ZCWPW2: variants seen among roughly 807,000 people sequenced by gnomAD.
The protein encoded by ZCWPW2 is zinc finger CW-type PWWP domain protein 2.
A neutral mutation model predicts 46.6 loss-of-function variants in ZCWPW2; 45 were observed. That is an observed-to-expected ratio of 0.96 (90% CI 0.76 to 1.24). The LOEUF (loss-of-function observed/expected upper bound fraction) is 1.24. ZCWPW2 is among the 50% of genes most tolerant of loss of function. The pLI, the probability that ZCWPW2 is intolerant of heterozygous loss-of-function variation, is 0.00. For synonymous variants in ZCWPW2, 152 were observed against 137.1 expected (o/e 1.11, Z -0.76); for missense variants, 429 against 403.9 (o/e 1.06, Z -0.53).
intron 4 of ZCWPW2, among the ~76,000 whole-genome samples, chr3:28,438,603 A>G (rs1169934715): frequency 6.6e-6 from 1 of 152,216 alleles, no homozygotes; most frequent in Non-Finnish European, 1.5e-5. Flanking sequence ...TATTAGACTT[A>G]TATGTCCAGT....
At chr3:28,493,133 A>ATTTTTTTTTT (rs1266340321) in intron 6 of ZCWPW2, among the ~76,000 whole-genome samples, 7 of 41,404 alleles carry the variant, frequency 1.7e-4, no homozygotes, top group Non-Finnish European at 2.9e-4. Context: ...ATTTTTTTTT[A>ATTTTTTTTTT]TTTTATTTTT....
At chr3:28,451,284 T>A (rs773440413) in intron 4 of ZCWPW2, among the ~76,000 whole-genome samples, 1 of 152,190 alleles carries the variant, frequency 6.6e-6, no homozygotes, top group Non-Finnish European at 1.5e-5. Context: ...AAGGTAGACA[T>A]CATCACTATT....
intron 1 of ZCWPW2, among the ~76,000 whole-genome samples, chr3:28,374,451 C>CTT (rs1341159107): frequency 6.6e-6 from 1 of 152,016 alleles, no homozygotes; most frequent in Non-Finnish European, 1.5e-5. Context: ...CTCAGGATTG[C>CTT]TTCAGGCTCT....
chr3:28,499,549 G>C (rs1450244189), intron 6 of ZCWPW2, among the ~76,000 whole-genome samples: 1 of 151,970 alleles, frequency 6.6e-6, no homozygotes, highest in South Asian at 2.1e-4. Context: ...CTGGATATTA[G>C]CCCTTTGTCA....
chr3:28,428,802 T>A (rs1295822752), intron 3 of ZCWPW2, among the ~76,000 whole-genome samples: 3 of 152,146 alleles, frequency 2.0e-5, no homozygotes, highest in Non-Finnish European at 4.4e-5. Context: ...CCCCTTCACT[T>A]GGCACTATTC....
chr3:28,471,395 G>A (rs896021775), intron 4 of ZCWPW2, among the ~76,000 whole-genome samples: 7 of 152,066 alleles, frequency 4.6e-5, no homozygotes, highest in African/African-American at 1.7e-4. Context: ...ACATTAACAC[G>A]ATGATTCATT....
At chr3:28,454,550 C>T (rs1442863394) in intron 4 of ZCWPW2, among the ~76,000 whole-genome samples, 1 of 152,058 alleles carries the variant, frequency 6.6e-6, no homozygotes, top group African/African-American at 2.4e-5. Flanking sequence ...AAGTGTGTGC[C>T]ATGGTGGTTT....
chr3:28,392,636 A>T (rs534342741), intron 2 of ZCWPW2, among the ~76,000 whole-genome samples: 3 of 152,296 alleles, frequency 2.0e-5, no homozygotes, highest in Non-Finnish European at 2.9e-5. Flanking sequence ...ATGGTATAAG[A>T]TCAGGAACCA....
At chr3:28,436,811 A>C (rs13087143) in intron 4 of ZCWPW2, among the ~76,000 whole-genome samples, 31,577 of 152,140 alleles carry the variant, frequency 0.21, 4,074 homozygotes, top group Non-Finnish European at 0.29. Context: ...TTCTGCTGGC[A>C]ACCACAGAAG....
At chr3:28,475,935 T>C (rs1381553242) in intron 4 of ZCWPW2, among the ~76,000 whole-genome samples, 1 of 152,152 alleles carries the variant, frequency 6.6e-6, no homozygotes, top group Non-Finnish European at 1.5e-5. Context: ...TTATGCTTGT[T>C]ATATATTGTC....
rs77983875 is a variant in ZCWPW2, at chr3:28,458,491, A to G, written c.493-20323A>G. Among the ~76,000 whole-genome samples the G allele has an allele frequency of 7.0e-3, 1,062 of 152,306 alleles. 10 individuals carry two copies. Among genetic ancestry groups the G allele is most frequent in the African/African-American group, 0.023 (960 of 41,562 alleles). ...TTTTTTGGACTGTAGACATCAAATG[A>G]TAATCTCACATAGTCTTCATTTGTT... On this transcript the variant is annotated intron_variant, in intron 4 of 9. Transcript: ENST00000383768.
chr3:28,481,229 C>T (rs766599689), intron 5 of ZCWPW2, among the ~76,000 whole-genome samples: 17 of 151,838 alleles, frequency 1.1e-4, no homozygotes, highest in Non-Finnish European at 2.2e-4. Context: ...ATGATTGCCA[C>T]ATAAAATGAT....
intron 2 of ZCWPW2, among the ~76,000 whole-genome samples, chr3:28,406,682 T>C (rs1575100198): frequency 6.6e-6 from 1 of 152,156 alleles, no homozygotes; most frequent in Non-Finnish European, 1.5e-5. Flanking sequence ...TAACCTAACA[T>C]GGTAAATAAG....
chr3:28,358,889 T>A (rs1308988059), intron 1 of ZCWPW2, among the ~76,000 whole-genome samples: 10 of 152,104 alleles, frequency 6.6e-5, no homozygotes, highest in Admixed American at 6.5e-4. Flanking sequence ...GTTTGAAAAT[T>A]GTTTTGTTTT....
In ZCWPW2 at chr3:28,478,881, GATAT is replaced by G; in HGVS notation, c.561_564del (p.Tyr188LeufsTer55). ...CTACAAGAAGCATGTCTACTCTATGGATATTCTCATGAGCAAAGACTGGAAATGT... is the reference window on the plus strand; with the variant it reads ...CTACAAGAAGCATGTCTACTCTATGGTCTCATGAGCAAAGACTGGAAATGT... On this transcript the variant is annotated frameshift_variant, in exon 5 of 10. Coordinates refer to ENST00000383768, the MANE Select transcript of ZCWPW2 (RefSeq NM_001040432.4). LOFTEE classifies it high-confidence loss of function. 1 of 1,588,602 alleles carries G rather than the reference GATAT, an allele frequency of 6.3e-7. No homozygotes were observed. The highest frequency in any genetic ancestry group is 8.5e-7 in the Non-Finnish European group (1 of 1,171,064).
chr3:28,456,403 T>C (rs973986601), intron 4 of ZCWPW2, among the ~76,000 whole-genome samples: 15 of 152,194 alleles, frequency 9.9e-5, no homozygotes, highest in African/African-American at 3.6e-4. Flanking sequence ...TTTCTAGATA[T>C]AGGATTATGT....
intron 2 of ZCWPW2, among the ~76,000 whole-genome samples, chr3:28,409,540 T>C (rs1259113779): frequency 1.3e-5 from 2 of 152,162 alleles, no homozygotes; most frequent in Non-Finnish European, 2.9e-5. Flanking sequence ...GTGATAATTA[T>C]GACAAATTTT....
At chr3:28,474,381 CT>C (rs1699149155) in intron 4 of ZCWPW2, among the ~76,000 whole-genome samples, 1 of 152,120 alleles carries the variant, frequency 6.6e-6, no homozygotes, top group South Asian at 2.1e-4. Context: ...TTTCAGTATA[CT>C]TTCAAGTGGG....
chr3:28,514,356 A>T (rs746383358), intron 7 of ZCWPW2, among the ~76,000 whole-genome samples: 23 of 152,088 alleles, frequency 1.5e-4, no homozygotes, highest in Non-Finnish European at 2.9e-4. Flanking sequence ...AAACACATAA[A>T]AATAGTAATA....
Sources: allele counts gnomAD v4.1 joint callset (sites outside exome capture counted in the v4.1 genomes callset), GRCh38; gene constraint gnomAD v4.1.1; transcripts MANE v1.5; gene names NCBI Gene and HGNC (gene_info 2026-07-23, HGNC 2026-07-21).